The following PLEKHA8 variants were observed in gnomAD, a reference collection of about 807,000 sequenced individuals.
PLEKHA8 encodes pleckstrin homology domain-containing family A member 8.
In PLEKHA8, 36 loss-of-function variants were observed where a neutral mutation model predicts 68.2. The ratio of observed to expected loss-of-function variants is 0.53; its 90% CI spans 0.40 to 0.70. PLEKHA8 has a LOEUF of 0.70. Among genes scored for constraint, PLEKHA8 ranks in the 30% least tolerant of loss-of-function variants. PLEKHA8 has a pLI of 0.00. For missense variants in PLEKHA8, 505 were observed against 615.4 expected (o/e 0.82, Z 1.90); for synonymous variants, 211 against 216.1 (o/e 0.98, Z 0.20).
chr7:30,063,452 T>G (rs1256985534), intron 12 of PLEKHA8, among the ~76,000 whole-genome samples: 3 of 152,208 alleles, frequency 2.0e-5, no homozygotes, highest in Admixed American at 2.0e-4. Flanking sequence ...ACCATTGATC[T>G]ATAGGAAATT....
At chr7:30,063,922 T>A (rs533675388) in intron 12 of PLEKHA8, among the ~76,000 whole-genome samples, 10 of 152,314 alleles carry the variant, frequency 6.6e-5, no homozygotes, top group African/African-American at 2.4e-4. Flanking sequence ...CATTTTTACA[T>A]TCCCCATACA....
At position 30,081,659 on chromosome 7, in the gene PLEKHA8, C is replaced by T. The variant is rs561325081; in HGVS notation, c.*2872C>T. 1 of 985,218 alleles carries T rather than the reference C, an allele frequency of 1.0e-6. No individual in the cohort carries two copies. The highest frequency in any genetic ancestry group is 4.7e-5 in the South Asian group (1 of 21,276). 61.0% of individuals were successfully genotyped at this position (985,218 alleles called of 1,614,324 possible). ...TTGTTGGCAGAGTAATCACTTTGTT[C>T]TCATCGCTCAAAGCATTTTTAGGAT... On this transcript the variant is annotated 3_prime_UTR_variant, in exon 14 of 14. Transcript: ENST00000449726.
chr7:30,105,003 G>A (rs181270833), intron 13 of PLEKHA8, among the ~76,000 whole-genome samples: 1 of 152,160 alleles, frequency 6.6e-6, no homozygotes, highest in Admixed American at 6.5e-5. Context: ...TGGGATTACA[G>A]GCATGAGCCA....
At chr7:30,091,741 G>T (rs77371026), downstream of PLEKHA8, among the ~76,000 whole-genome samples, 2 of 152,310 alleles carry the variant, frequency 1.3e-5, no homozygotes, top group Non-Finnish European at 2.9e-5. Flanking sequence ...GCAACATGGG[G>T]ATTTTGCACA....
intron 13 of PLEKHA8, among the ~76,000 whole-genome samples, chr7:30,099,901 A>G (rs1383952568): frequency 1.3e-5 from 2 of 152,246 alleles, no homozygotes; most frequent in East Asian, 3.8e-4. Flanking sequence ...CGCTTAAAAC[A>G]ACAGAAATGT....
At chr7:30,099,575 G>A (rs1338443327) in intron 13 of PLEKHA8, among the ~76,000 whole-genome samples, 1 of 152,178 alleles carries the variant, frequency 6.6e-6, no homozygotes, top group Non-Finnish European at 1.5e-5. Context: ...AAAGACCTAA[G>A]TAATGCTGTT....
intron 13 of PLEKHA8, chr7:30,118,027 G>A: frequency 1.3e-6 from 2 of 1,521,384 alleles, no homozygotes; most frequent in African/African-American, 1.4e-5. Flanking sequence ...TCAGGCGGGT[G>A]CAGAGTGGCC....
downstream of PLEKHA8, among the ~76,000 whole-genome samples, chr7:30,092,450 T>G (rs891013088): frequency 6.6e-6 from 1 of 152,024 alleles, no homozygotes. Flanking sequence ...CATCTAGTCA[T>G]GTCTGTATGT....
At chr7:30,108,567 A>C (rs1167542149) in intron 13 of PLEKHA8, among the ~76,000 whole-genome samples, 1 of 152,168 alleles carries the variant, frequency 6.6e-6, no homozygotes, top group East Asian at 1.9e-4. Context: ...AATCTAACCC[A>C]AAAAATGTAT....
chr7:30,051,115 G>T (rs1239186571), intron 6 of PLEKHA8, among the ~76,000 whole-genome samples: 3 of 152,132 alleles, frequency 2.0e-5, no homozygotes, highest in Admixed American at 6.5e-5. Flanking sequence ...GCCCAGGCTG[G>T]TCTTGAACTC....
intron 13 of PLEKHA8, among the ~76,000 whole-genome samples, chr7:30,115,621 CAT>C (rs1267713886): frequency 2.0e-5 from 3 of 149,644 alleles, no homozygotes; most frequent in Non-Finnish European, 3.0e-5. Context: ...TACATGCACA[CAT>C]ACATGTACAC....
At chr7:30,041,084 A>G (rs1368511368) in intron 1 of PLEKHA8, among the ~76,000 whole-genome samples, 2 of 152,178 alleles carry the variant, frequency 1.3e-5, no homozygotes, top group African/African-American at 2.4e-5. Flanking sequence ...TCTACAATTC[A>G]TCATTCCTGG....
At chr7:30,042,947 G>A (rs1791653602) in intron 1 of PLEKHA8, among the ~76,000 whole-genome samples, 1 of 152,196 alleles carries the variant, frequency 6.6e-6, no homozygotes, top group Non-Finnish European at 1.5e-5. Context: ...TACAGGAGTG[G>A]TGGCCTTCAC....
intron 13 of PLEKHA8, among the ~76,000 whole-genome samples, chr7:30,128,450 G>A (rs1260773953): frequency 6.6e-6 from 1 of 152,132 alleles, no homozygotes; most frequent in Admixed American, 6.5e-5. Context: ...TCATCTGTGG[G>A]TTAAGTCACA....
intron 9 of PLEKHA8, 35 bp downstream of exon 9, chr7:30,055,377 G>C (rs757600268): frequency 6.3e-7 from 1 of 1,575,180 alleles, no homozygotes; most frequent in Non-Finnish European, 8.7e-7. Context: ...ATTCATTCAT[G>C]TCTAGAATCT....
downstream of PLEKHA8, among the ~76,000 whole-genome samples, chr7:30,094,416 A>G (rs1268025677): frequency 6.6e-6 from 1 of 151,942 alleles, no homozygotes; most frequent in Non-Finnish European, 1.5e-5. Context: ...CTAGGATTAT[A>G]GGCGCCTGCC....
Position 30,084,435 on chromosome 7 carries a change from G to A in PLEKHA8, c.*5648G>A, listed in dbSNP as rs1268517925. The A allele has an allele frequency of 1.2e-5, 12 of 985,156 alleles. No homozygotes were observed. The Admixed American group carries it at 7.4e-4, about 61-fold the overall frequency. The allele number at this position is 985,156 out of a possible 1,614,324, so 61.0% of individuals were successfully genotyped here. Reference sequence around the variant, plus strand: ...GGCTTGTTAACTTCTTAATTTAATGGACCTTTACTTAGAATATAATATGTT... The same window carrying A: ...GGCTTGTTAACTTCTTAATTTAATGAACCTTTACTTAGAATATAATATGTT... On this transcript the variant is annotated 3_prime_UTR_variant, in exon 14 of 14. Transcript: ENST00000449726.
chr7:30,097,867 G>A (rs1795682522), intron 13 of PLEKHA8, among the ~76,000 whole-genome samples: 1 of 152,228 alleles, frequency 6.6e-6, no homozygotes, highest in Non-Finnish European at 1.5e-5. Flanking sequence ...CGTTGCTGGT[G>A]AGGAGCTGCG....
At chr7:30,048,886 C>T (rs1425847667) in intron 4 of PLEKHA8, among the ~76,000 whole-genome samples, 1 of 152,136 alleles carries the variant, frequency 6.6e-6, no homozygotes, top group Non-Finnish European at 1.5e-5. Context: ...CATTTCAGTC[C>T]TGCTCTTGGG....
Sources: allele counts gnomAD v4.1 joint callset (sites outside exome capture counted in the v4.1 genomes callset), GRCh38; gene constraint gnomAD v4.1.1; transcripts MANE v1.5; gene names NCBI Gene and HGNC (gene_info 2026-07-23, HGNC 2026-07-21).